Variants in RINT1 observed in about 807,000 individuals in gnomAD.
RINT1 encodes RAD50-interacting protein 1.
A neutral mutation model predicts 97.7 loss-of-function variants in RINT1; 75 were observed. The ratio of observed to expected loss-of-function variants is 0.77; its 90% CI spans 0.64 to 0.93. RINT1 has a LOEUF of 0.93. RINT1 is among the 40% of genes least tolerant of loss of function. The pLI, the probability that RINT1 is intolerant of heterozygous loss-of-function variation, is 0.00. For missense variants in RINT1, 892 were observed against 925.2 expected (o/e 0.96, Z 0.47); for synonymous variants, 303 against 326.3 (o/e 0.93, Z 0.77).
At position 105,536,728 on chromosome 7, in the gene RINT1, T is replaced by C. The variant is rs1790251758; in HGVS notation, c.252T>C (p.Ser84=). ...AACTCATAGAACAGAGGACAGTAAG[T>C]AAAATGCAGTTAGAAGAACAGGTAA... The part of the protein sequence containing the change: ...LDKLIEQRTV[S]KMQLEEQVLT... The change falls in exon 3 of 15, where the codon AGT becomes AGC. Residue 84 remains serine (S), a synonymous_variant. Coordinates refer to ENST00000257700, the MANE Select transcript of RINT1 (RefSeq NM_021930.6). 1.3e-6 allele frequency: 2 copies of C among 1,596,992 alleles called. No individual in the cohort carries two copies. Among genetic ancestry groups the C allele is most frequent in the African/African-American group, 2.7e-5 (2 of 74,156 alleles).
chr7:105,535,643 C>T, intron 2 of RINT1: 1 of 446,312 alleles, frequency 2.2e-6, no homozygotes, highest in South Asian at 1.6e-5. Flanking sequence ...GCCTCCATCT[C>T]CCAGGCTGCT....
At chr7:105,564,001 A>G (rs191751652) in intron 12 of RINT1, 54 bp downstream of exon 12, 2 of 1,304,318 alleles carry the variant, frequency 1.5e-6, no homozygotes, top group Admixed American at 1.8e-5. Context: ...AAGTTAAAGA[A>G]TATGTGGTCA....
intron 11 of RINT1, among the ~76,000 whole-genome samples, chr7:105,561,669 C>A (rs1791447687): frequency 6.6e-6 from 1 of 152,020 alleles, no homozygotes; most frequent in Admixed American, 6.6e-5. Flanking sequence ...TCAAGCAATT[C>A]TTCTGCCTCA....
intron 3 of RINT1, 23 bp from the exon 4 acceptor site, chr7:105,542,385 T>G (rs1057384642): frequency 7.8e-6 from 12 of 1,529,634 alleles, no homozygotes; most frequent in African/African-American, 4.2e-5. Flanking sequence ...CTTTCTTTCT[T>G]TCTTTTTTAA....
rs1238633340 is a variant in RINT1 at position 105,532,886 on chromosome 7, C to T, written c.88+17C>T. 86 of 1,613,374 alleles carry T rather than the reference C, an allele frequency of 5.3e-5. No homozygotes were observed. Among genetic ancestry groups the T allele is most frequent in the Non-Finnish European group, 7.2e-5 (85 of 1,179,416 alleles). The stretch of plus-strand genomic sequence containing the variant: ...AGGAGAAAAGTAAGCCAGCTCCAAA[C>T]ACCTTAGCTTTTTCTTCCCGCCCAA... On this transcript the variant is annotated intron_variant, in intron 2 of 14. Coordinates refer to ENST00000257700, the MANE Select transcript of RINT1 (RefSeq NM_021930.6).
chr7:105,536,653 C>T lies in RINT1; in HGVS notation c.177C>T (p.Phe59=), dbSNP rs138894974. ...ATCTCCCTTCTTATGTGTCTGCATT[C>T]ATAGAAAAGGAAGTTGGAAATGACC... ...NGDLPSYVSA[F]IEKEVGNDLK... The change falls in exon 3 of 15, where the codon TTC becomes TTT. Residue 59 remains phenylalanine (F), a synonymous_variant. Coordinates refer to ENST00000257700, the MANE Select transcript of RINT1 (RefSeq NM_021930.6). 183 of 1,612,208 alleles carry T rather than the reference C, an allele frequency of 1.1e-4. No homozygotes were observed. The highest frequency in any genetic ancestry group is 1.5e-4 in the Non-Finnish European group (180 of 1,178,776).
chr7:105,566,390 G>T (rs922914936), intron 14 of RINT1: 10 of 152,152 alleles, frequency 6.6e-5, no homozygotes. Context: ...AGGCATAGTA[G>T]CCCACATCTG....
chr7:105,561,854 G>A (rs1418632156), intron 11 of RINT1, among the ~76,000 whole-genome samples: 3 of 151,858 alleles, frequency 2.0e-5, no homozygotes, highest in East Asian at 3.9e-4. Flanking sequence ...GAGCCACCAC[G>A]CCTGGCCGAT....
intron 11 of RINT1, among the ~76,000 whole-genome samples, chr7:105,561,693 C>T (rs1380768521): frequency 7.2e-5 from 11 of 152,008 alleles, no homozygotes; most frequent in Non-Finnish European, 1.5e-4. Context: ...TCCCGAGTAG[C>T]TGGGATTACA....
intron 5 of RINT1, 38 bp from the exon 6 acceptor site, chr7:105,547,146 T>C: frequency 1.2e-6 from 2 of 1,613,840 alleles, no homozygotes; most frequent in Non-Finnish European, 1.7e-6. Flanking sequence ...GATCATTTGG[T>C]GATGTACTGA....
chr7:105,553,075 A>C (rs1433651546), intron 10 of RINT1, among the ~76,000 whole-genome samples: 1 of 152,170 alleles, frequency 6.6e-6, no homozygotes, highest in Non-Finnish European at 1.5e-5. Context: ...GAAAATTTTC[A>C]AACATACACA....
At chr7:105,548,302 T>G (rs752201783) in intron 6 of RINT1, among the ~76,000 whole-genome samples, 4 of 152,206 alleles carry the variant, frequency 2.6e-5, no homozygotes, top group Non-Finnish European at 5.9e-5. Context: ...CCCAAAGTGC[T>G]GGGATTACAG....
intron 4 of RINT1, among the ~76,000 whole-genome samples, chr7:105,545,528 A>ATT (rs201031207): frequency 3.5e-5 from 5 of 141,310 alleles, no homozygotes; most frequent in South Asian, 2.3e-4. Context: ...ATATATATAT[A>ATT]TATTTTTTTT....
rs190775395 is a variant in RINT1 at position 105,554,323 on chromosome 7, G to A, written c.1472-705G>A. ...GCTGAGATTACAGGTGTGAGCCACC[G>A]TGCCCGGCCAACTGCCTGTAAATTC... is the stretch of plus-strand genomic sequence containing the variant. On this transcript the variant is annotated intron_variant, in intron 10 of 14. Coordinates refer to ENST00000257700, the MANE Select transcript of RINT1 (RefSeq NM_021930.6). Among the ~76,000 whole-genome samples, 328 of 151,980 alleles carry A rather than the reference G, an allele frequency of 2.2e-3. 1 individual carries two copies. Among genetic ancestry groups the A allele is most frequent in the African/African-American group, 7.3e-3 (304 of 41,450 alleles).
At chr7:105,540,838 CTTTTTTT>C (rs56336226) in intron 3 of RINT1, among the ~76,000 whole-genome samples, 1 of 134,238 alleles carries the variant, frequency 7.4e-6, no homozygotes, top group African/African-American at 2.8e-5. Flanking sequence ...TCTTTGTTTC[CTTTTTTT>C]TTTTTTTTTT....
At chr7:105,534,847 A>T (rs1790163317) in intron 2 of RINT1, among the ~76,000 whole-genome samples, 2 of 152,118 alleles carry the variant, frequency 1.3e-5, no homozygotes. Context: ...AATTTAATTC[A>T]TATAAGTTAA....
chr7:105,533,942 G>A (rs1790127554), intron 2 of RINT1, among the ~76,000 whole-genome samples: 1 of 152,112 alleles, frequency 6.6e-6, no homozygotes, highest in South Asian at 2.1e-4. Flanking sequence ...TTGCAGTTAG[G>A]AGTGCTCTTT....
At position 105,565,135 on chromosome 7, in the gene RINT1, A is replaced by T. The variant is rs539497840; in HGVS notation, c.1887-142A>T. 1.5e-4 allele frequency: 89 copies of T among 576,826 alleles called. 1 individual carries two copies. The South Asian group carries it at 2.7e-3, about 18-fold the overall frequency. 35.7% of individuals were successfully genotyped at this position (576,826 alleles called of 1,614,324 possible). A position where few individuals can be genotyped will look rare whatever the true frequency, so the allele number is the denominator to read the frequency against. ...TAAATACAGGTACATTTATTTTCTG[A>T]TAGAGCTTTTAATGTTAGGCTGTAT... On this transcript the variant is annotated intron_variant, in intron 12 of 14. Coordinates refer to ENST00000257700, the MANE Select transcript of RINT1 (RefSeq NM_021930.6).
At position 105,555,216 on chromosome 7, in the gene RINT1, G is replaced by T. The variant is rs769303044; in HGVS notation, c.1660G>T (p.Ala554Ser). 6.2e-7 allele frequency: 1 copy of T among 1,612,770 alleles called. No homozygotes were observed. The highest frequency in any genetic ancestry group is 2.2e-5 in the East Asian group (1 of 44,842). ...NYISTVLADW[A>S]DNVFFLQLQQ... ...CATCTCAACAGTACTAGCAGATTGG[G>T]CTGACAATGTTGTGAGTTAATATGC... is the stretch of plus-strand genomic sequence containing the variant. Residue 554 changes from alanine (A) to serine (S), a missense_variant, in exon 11 of 15, where the codon GCT becomes TCT. By Grantham distance (99) the Ala-to-Ser change is moderately conservative. Coordinates refer to ENST00000257700, the MANE Select transcript of RINT1 (RefSeq NM_021930.6).
Sources: gnomAD v4.1 joint callset for allele counts (sites outside exome capture counted in the v4.1 genomes callset) on GRCh38, gnomAD v4.1.1 for gene constraint, MANE v1.5 for transcripts, NCBI Gene and HGNC (gene_info 2026-07-23, HGNC 2026-07-21) for gene names.